Variants in PECR observed in about 807,000 individuals in gnomAD.
The protein encoded by PECR is 2,4-dienoyl-CoA reductase-related protein.
PECR carries 30 observed loss-of-function variants against 35.3 expected under a neutral mutation model. The observed-to-expected ratio is 0.85, with a 90% confidence interval of 0.64 to 1.15. PECR has a LOEUF of 1.15. PECR is among the 50% of genes most tolerant of loss of function. The pLI is 0.00. For missense variants in PECR, 392 were observed against 370.8 expected (o/e 1.06, Z -0.47); for synonymous variants, 148 against 138.9 (o/e 1.07, Z -0.46).
chr2:216,073,612 T>C (rs62181306), intron 1 of PECR, among the ~76,000 whole-genome samples: 1 of 151,882 alleles, frequency 6.6e-6, no homozygotes, highest in African/African-American at 2.4e-5. Context: ...TACTATATCT[T>C]TTATTTTTAT....
At chr2:216,070,593 G>A (rs899962192) in intron 1 of PECR, among the ~76,000 whole-genome samples, 10 of 152,194 alleles carry the variant, frequency 6.6e-5, no homozygotes, top group Non-Finnish European at 1.3e-4. Context: ...AACGAAGGAG[G>A]ATGAACGCAG....
intron 1 of PECR, among the ~76,000 whole-genome samples, chr2:216,067,065 C>G (rs13384938): frequency 0.05 from 7,564 of 152,020 alleles, 508 homozygotes; most frequent in African/African-American, 0.15. Context: ...TGGATTGCCC[C>G]AGCTTGCTGC....
chr2:216,077,021 C>T (rs1695716096), intron 1 of PECR, among the ~76,000 whole-genome samples: 1 of 150,854 alleles, frequency 6.6e-6, no homozygotes, highest in Non-Finnish European at 1.5e-5. Context: ...CTGCCTCAGC[C>T]TCCGAGTAAT....
At chr2:216,070,459 G>A (rs772878688) in intron 1 of PECR, among the ~76,000 whole-genome samples, 3 of 152,114 alleles carry the variant, frequency 2.0e-5, no homozygotes, top group Non-Finnish European at 4.4e-5. Flanking sequence ...CAGTGAAACT[G>A]GTCTACTTTT....
rs551142133 is a variant in PECR, at chr2:216,049,155, G to A, written c.714+108C>T. On this transcript the variant is annotated intron_variant, in intron 6 of 7. Transcript: ENST00000265322. Reference sequence around the variant, plus strand: ...GAAAGAACAGGGGAAATGTTCTGCTGGCAGTGGGAGAAATAATGTCGTCCA... The same window carrying A: ...GAAAGAACAGGGGAAATGTTCTGCTAGCAGTGGGAGAAATAATGTCGTCCA... 22 of 767,110 alleles carry A rather than the reference G, an allele frequency of 2.9e-5. No homozygotes were observed. The East Asian group carries it at 3.2e-4, about 11-fold the overall frequency. The allele number at this position is 767,110 out of a possible 1,614,324, so 47.5% of individuals were successfully genotyped here.
rs150426811 is a variant in PECR at position 216,064,399 on chromosome 2, C to T, written c.424+913G>A. On this transcript the variant is annotated intron_variant, in intron 3 of 7. Transcript: ENST00000265322. ...TGCCCATAAAAGGAATGGGTGAGCA[C>T]TACCCTTTTTCCCCATTCCTGTTGT... 5.5e-3 allele frequency among the ~76,000 whole-genome samples: 833 copies of T among 152,308 alleles called. 10 individuals are homozygous for T. The highest frequency in any genetic ancestry group is 0.019 in the African/African-American group (791 of 41,554).
At chr2:216,076,196 C>A (rs764050226) in intron 1 of PECR, among the ~76,000 whole-genome samples, 2 of 152,120 alleles carry the variant, frequency 1.3e-5, no homozygotes, top group Admixed American at 6.5e-5. Flanking sequence ...CAATTTTTTT[C>A]TTCTCTTTTC....
intron 4 of PECR, 118 bp from the exon 5 acceptor site, chr2:216,051,663 G>C: frequency 1.4e-6 from 1 of 740,354 alleles, no homozygotes; most frequent in Non-Finnish European, 2.5e-6. Flanking sequence ...TCTTGCTATG[G>C]AGTCTGTCTT....
At position 216,072,304 on chromosome 2, in the gene PECR, C is replaced by CA. The variant is rs1157548231; in HGVS notation, c.125-5787dup. On this transcript the variant is annotated intron_variant, in intron 1 of 7. Transcript: ENST00000265322. ...GGAATAAATAAAGTTCACAAAGGCA[C>CA]AGAGTACAAAGGCTCTCCATTTGGC... Among the ~76,000 whole-genome samples, 6 of 152,332 alleles carry CA rather than the reference C, an allele frequency of 3.9e-5. No homozygotes were observed. In the South Asian group the frequency reaches 6.2e-4, roughly 16 times the overall value.
intron 3 of PECR, among the ~76,000 whole-genome samples, chr2:216,061,262 C>T (rs1260056590): frequency 3.2e-5 from 4 of 126,438 alleles, no homozygotes; most frequent in South Asian, 2.5e-4. Context: ...CAGTGAGCCA[C>T]GATCACATCA....
chr2:216,049,436 A>T, intron 5 of PECR, 63 bp from the exon 6 acceptor site: 1 of 738,094 alleles, frequency 1.4e-6, no homozygotes, highest in Non-Finnish European at 2.4e-6. Flanking sequence ...AATTATAAAG[A>T]TATCAAGATA....
At chr2:216,034,864 C>G (rs1362502117), downstream of PECR, among the ~76,000 whole-genome samples, 1 of 152,188 alleles carries the variant, frequency 6.6e-6, no homozygotes. Flanking sequence ...CAGTTGATAG[C>G]TGGACTTCAT....
downstream of PECR, chr2:216,034,093 T>C (rs1006893521): frequency 6.6e-5 from 10 of 152,070 alleles, no homozygotes; most frequent in African/African-American, 2.4e-4. Flanking sequence ...AAGCTCAAGT[T>C]GAAGCTTTGC....
downstream of PECR, among the ~76,000 whole-genome samples, chr2:216,034,731 C>T (rs1278003929): frequency 1.3e-5 from 2 of 152,144 alleles, no homozygotes; most frequent in Non-Finnish European, 2.9e-5. Flanking sequence ...TAGAGGATTA[C>T]GGATGAGCCC....
At chr2:216,050,379 T>C (rs1331239354) in intron 5 of PECR, among the ~76,000 whole-genome samples, 1 of 152,226 alleles carries the variant, frequency 6.6e-6, no homozygotes, top group Non-Finnish European at 1.5e-5. Flanking sequence ...ACTGGAGAGA[T>C]ATATTGGTTT....
intron 2 of PECR, among the ~76,000 whole-genome samples, chr2:216,066,145 A>AAT (rs1695461677): frequency 1.3e-5 from 2 of 151,910 alleles, no homozygotes; most frequent in African/African-American, 4.9e-5. Context: ...AATAAAAATG[A>AAT]AGACTTAAAG....
Position 216,043,082 on chromosome 2 carries a change from CACATACATATATAT to C in PECR, c.826+808_826+821del, listed in dbSNP as rs1244589943. Among the ~76,000 whole-genome samples, 57 of 106,708 alleles carry C rather than the reference CACATACATATATAT, an allele frequency of 5.3e-4. 3 individuals carry two copies. The highest frequency in any genetic ancestry group is 2.1e-3 in the Admixed American group (22 of 10,600). The allele number at this position is 106,708 out of a possible 152,430, so 70.0% of individuals were successfully genotyped here. Reference sequence around the variant, plus strand: ...ACGTATATATGTATGTATATATATACACATACATATATATGTATGCGTATATATATATATTTTTT... The same window carrying C: ...ACGTATATATGTATGTATATATATACGTATGCGTATATATATATATTTTTT... On this transcript the variant is annotated intron_variant, in intron 7 of 7. Transcript: ENST00000265322.
intron 7 of PECR, among the ~76,000 whole-genome samples, chr2:216,032,259 T>C (rs1694721749): frequency 6.6e-6 from 1 of 152,206 alleles, no homozygotes; most frequent in Non-Finnish European, 1.5e-5. Context: ...TCCAGAGAAA[T>C]GAAAACAAAA....
At chr2:216,069,998 A>T (rs1695555885) in intron 1 of PECR, among the ~76,000 whole-genome samples, 1 of 152,130 alleles carries the variant, frequency 6.6e-6, no homozygotes. Flanking sequence ...TAAAGGATAA[A>T]ATGTTGGAAG....
Sources: allele counts gnomAD v4.1 joint callset (sites outside exome capture counted in the v4.1 genomes callset), GRCh38; gene constraint gnomAD v4.1.1; transcripts MANE v1.5; gene names NCBI Gene and HGNC (gene_info 2026-07-23, HGNC 2026-07-21).